MRTFB: variants seen among roughly 807,000 people sequenced by gnomAD.
MRTFB encodes myocardin-related transcription factor B.
A neutral mutation model predicts 104.2 loss-of-function variants in MRTFB; 29 were observed. That is an observed-to-expected ratio of 0.28 (90% CI 0.21 to 0.38). The LOEUF (loss-of-function observed/expected upper bound fraction) is 0.38. Ranked by LOEUF, MRTFB falls within the 10% of genes least tolerant of loss-of-function variation. The pLI, the probability that MRTFB is intolerant of heterozygous loss-of-function variation, is 1.00. For synonymous variants in MRTFB, 535 were observed against 519.5 expected (o/e 1.03, Z -0.41); for missense variants, 1,270 against 1,341.6 (o/e 0.95, Z 0.83).
rs2043874811 is a variant in MRTFB, at chr16:14,264,369, AT to A, written c.*2928del. 6.6e-6 allele frequency: 1 copy of A among 152,122 alleles called. No individual in the cohort carries two copies. Among genetic ancestry groups the A allele is most frequent in the African/African-American group, 2.4e-5 (1 of 41,432 alleles). The allele number at this position is 152,122 out of a possible 1,614,324, so 9.4% of individuals were successfully genotyped here. On this transcript the variant is annotated 3_prime_UTR_variant, in exon 17 of 17. Transcript: ENST00000571589. ...GGATGAATTTAAAAGTTATACCAAA[AT>A]TTCTGTAAAGTCTTTGAAAGTCTAG...
At chr16:14,095,317 G>A (rs2142003068) in intron 2 of MRTFB, among the ~76,000 whole-genome samples, 1 of 152,346 alleles carries the variant, frequency 6.6e-6, no homozygotes, top group East Asian at 1.9e-4. Flanking sequence ...TGACTTGGGA[G>A]ACTCCCTTGT....
intron 3 of MRTFB, among the ~76,000 whole-genome samples, chr16:14,171,265 T>A (rs544411690): frequency 6.6e-6 from 1 of 152,204 alleles, no homozygotes; most frequent in Non-Finnish European, 1.5e-5. Context: ...TTCTAGATCC[T>A]CTTAGTAGAC....
At chr16:14,256,194 C>CAAAAAAAA (rs750556838) in intron 15 of MRTFB, among the ~76,000 whole-genome samples, 63 of 77,624 alleles carry the variant, frequency 8.1e-4, no homozygotes, top group African/African-American at 2.2e-3. Flanking sequence ...AACAGGATAA[C>CAAAAAAAA]AAAAAAAAAA....
At chr16:14,120,775 T>C (rs2036805450) in intron 2 of MRTFB, among the ~76,000 whole-genome samples, 1 of 152,110 alleles carries the variant, frequency 6.6e-6, no homozygotes, top group African/African-American at 2.4e-5. Context: ...GGGGATAGAA[T>C]AGTGGGTGGT....
At chr16:14,030,249 C>T in the MRTFB span, among the ~76,000 whole-genome samples, 1 of 152,208 alleles carries the variant, frequency 6.6e-6, no homozygotes, top group Non-Finnish European at 1.5e-5. Flanking sequence ...TTGATGCCCA[C>T]AGCGGGTTAG....
chr16:14,219,265 A>G (rs943624809), intron 8 of MRTFB, among the ~76,000 whole-genome samples: 1 of 152,348 alleles, frequency 6.6e-6, no homozygotes, highest in East Asian at 1.9e-4. Context: ...TGTTTGTTCA[A>G]CAAATACACA....
the MRTFB span, among the ~76,000 whole-genome samples, chr16:14,063,153 G>T: frequency 6.6e-6 from 1 of 152,166 alleles, no homozygotes; most frequent in Non-Finnish European, 1.5e-5. Flanking sequence ...TGCGGCAGAG[G>T]TGGCAGGATT....
rs369777614 is a variant in MRTFB, at chr16:14,240,488, C to G, written c.1079+4C>G. ...CCATCCTGCCTGCACCATTCAAGTA[C>G]GGCGGGGCCCATGCTATCCTCAACG... On this transcript the variant is annotated splice_donor_region_variant and intron_variant, in intron 10 of 16. Transcript: ENST00000571589. 1 of 1,614,210 alleles carries G rather than the reference C, an allele frequency of 6.2e-7. No individual in the cohort carries two copies. The highest frequency in any genetic ancestry group is 1.3e-5 in the African/African-American group (1 of 75,056).
In MRTFB at chr16:14,251,887, A is replaced by G; in HGVS notation, c.2429A>G (p.Asn810Ser). The G allele has an allele frequency of 6.2e-7, 1 of 1,614,188 alleles. No individual in the cohort carries two copies. Among genetic ancestry groups the G allele is most frequent in the Admixed American group, 1.7e-5 (1 of 60,030 alleles). ...GTTTTCACAAACTCAGCATCATCAA[A>G]TACAGTTCTTCCATATCAGAGACAT... is the stretch of plus-strand genomic sequence containing the variant. ...RKVFTNSASS[N>S]TVLPYQRHPA... is the part of the protein sequence containing the mutation. Residue 810 changes from asparagine to serine, a missense_variant, in exon 14 of 17, where the codon AAT becomes AGT. Transcript: ENST00000571589.
chr16:14,047,119 C>G, the MRTFB span, among the ~76,000 whole-genome samples: 1 of 152,130 alleles, frequency 6.6e-6, no homozygotes, highest in Non-Finnish European at 1.5e-5. Flanking sequence ...GAAAAACAAA[C>G]GGGAAATTTA....
At chr16:14,222,991 G>A (rs910148108) in intron 8 of MRTFB, among the ~76,000 whole-genome samples, 1 of 151,610 alleles carries the variant, frequency 6.6e-6, no homozygotes, top group African/African-American at 2.4e-5. Flanking sequence ...GTCCAGTCTG[G>A]GCAACATAGC....
chr16:14,133,071 A>G (rs1409320128), intron 2 of MRTFB, among the ~76,000 whole-genome samples: 1 of 152,250 alleles, frequency 6.6e-6, no homozygotes, highest in African/African-American at 2.4e-5. Flanking sequence ...TATTGGGTTA[A>G]ATTGTAAAAT....
intron 2 of MRTFB, among the ~76,000 whole-genome samples, chr16:14,124,441 C>G (rs1727216294): frequency 1.3e-5 from 2 of 152,134 alleles, no homozygotes; most frequent in Admixed American, 1.3e-4. Flanking sequence ...TATGGTCCAT[C>G]AATACCTAGT....
At chr16:14,191,027 A>C (rs1223311210) in intron 3 of MRTFB, among the ~76,000 whole-genome samples, 3 of 152,266 alleles carry the variant, frequency 2.0e-5, no homozygotes, top group Non-Finnish European at 1.5e-5. Context: ...TTTGTCTGAA[A>C]TATTATGAAT....
At chr16:14,248,109 G>T (rs1377022521) in intron 12 of MRTFB, 1 of 152,774 alleles carries the variant, frequency 6.5e-6, no homozygotes, top group African/African-American at 2.4e-5. Context: ...AAATTTAGGA[G>T]TGAGGATGTA....
chr16:14,129,067 G>C (rs532551003), intron 2 of MRTFB, among the ~76,000 whole-genome samples: 1 of 152,190 alleles, frequency 6.6e-6, no homozygotes, highest in Non-Finnish European at 1.5e-5. Flanking sequence ...TGAGATTCAG[G>C]CATGTTGTTT....
intron 12 of MRTFB, 85 bp downstream of exon 12, chr16:14,247,592 T>G (rs1597371989): frequency 2.9e-5 from 36 of 1,249,312 alleles, no homozygotes; most frequent in Non-Finnish European, 3.5e-5. Flanking sequence ...ACCTGAGCTC[T>G]TCCATAAATG....
chr16:14,029,557 G>A, the MRTFB span, among the ~76,000 whole-genome samples: 1 of 149,796 alleles, frequency 6.7e-6, no homozygotes, highest in Non-Finnish European at 1.5e-5. Context: ...AATTTTATAT[G>A]TTTGTGTGTG....
rs773268306 is a variant in MRTFB, at chr16:14,252,406, C to G, written c.2607C>G (p.His869Gln). ...CACCCCAGCAATTTGTCGTCCAGCA[C>G]TCTCTATTTGGGAGTCCAGTCGCCA... ...PPPPQQFVVQ[H>Q]SLFGSPVAKT... The change falls in exon 15 of 17, where the codon CAC (histidine) becomes CAG (glutamine). Residue 869 changes from histidine to glutamine, a missense_variant. Coordinates refer to ENST00000571589, the MANE Select transcript of MRTFB (RefSeq NM_001308142.2). The G allele has an allele frequency of 3.1e-6, 5 of 1,613,762 alleles. No individual in the cohort carries two copies. The African/African-American group carries it at 4.0e-5, about 13-fold the overall frequency.
Sources: allele counts gnomAD v4.1 joint callset (sites outside exome capture counted in the v4.1 genomes callset), GRCh38; gene constraint gnomAD v4.1.1; transcripts MANE v1.5; gene names NCBI Gene and HGNC (gene_info 2026-07-23, HGNC 2026-07-21).